JAK1: variants seen among roughly 807,000 people sequenced by gnomAD.
The protein encoded by JAK1 is tyrosine-protein kinase JAK1.
Under a neutral mutation model 136.6 loss-of-function variants are expected in JAK1, and 16 were observed. The observed-to-expected ratio is 0.12, with a 90% confidence interval of 0.08 to 0.18. The LOEUF is 0.18. Among genes scored for constraint, JAK1 ranks in the 10% least tolerant of loss-of-function variants. The pLI is 1.00. For missense variants in JAK1, 859 were observed against 1,450.1 expected (o/e 0.59, Z 6.62); for synonymous variants, 492 against 519.5 (o/e 0.95, Z 0.72).
At chr1:64,846,778 C>T in intron 13 of JAK1, 42 bp from the exon 14 acceptor site, 3 of 1,512,574 alleles carry the variant, frequency 2.0e-6, no homozygotes, top group Non-Finnish European at 2.7e-6. Flanking sequence ...GGCCAGCCTC[C>T]AGGGGGCTGC....
Position 64,850,855 on chromosome 1 carries a change from G to A in JAK1, c.1704C>T (p.Tyr568=), listed in dbSNP as rs950672471. Residue 568 remains tyrosine (Y), a synonymous_variant, in exon 12 of 25, where the codon TAC becomes TAT. Coordinates refer to ENST00000342505, the MANE Select transcript of JAK1 (RefSeq NM_002227.4). ...GATCGAAACTCAGCTGGCTCATGGGGTAGACGGGCTGCCACTCCTGGGCTT... is the reference window on the plus strand; with the variant it reads ...GATCGAAACTCAGCTGGCTCATGGGATAGACGGGCTGCCACTCCTGGGCTT... ...TKKAQEWQPV[Y]PMSQLSFDRI... is the part of the protein sequence containing the mutation. 16 of 1,614,060 alleles carry A rather than the reference G, an allele frequency of 9.9e-6. No homozygotes were observed. Among genetic ancestry groups the A allele is most frequent in the Non-Finnish European group, 1.4e-5 (16 of 1,180,028 alleles).
At chr1:64,930,051 A>C (rs965842379) in intron 1 of JAK1, among the ~76,000 whole-genome samples, 11 of 152,236 alleles carry the variant, frequency 7.2e-5, no homozygotes, top group African/African-American at 2.4e-4. Context: ...TTAAAGACTT[A>C]AACGTTAAGA....
Position 64,994,131 on chromosome 1 carries a change from G to C in JAK1, c.-78+50349C>G, listed in dbSNP as rs149197751. On this transcript the variant is annotated intron_variant, in intron 2 of 25. Transcript: ENST00000671954. ...AATTTTTGTATTTTTTGTAGAGACA[G>C]GTTTTGGCCATGTTGCCCAGGCTGG... 6.5e-3 allele frequency among the ~76,000 whole-genome samples: 997 copies of C among 152,274 alleles called. 9 individuals carry two copies. Among genetic ancestry groups the C allele is most frequent in the African/African-American group, 0.023 (948 of 41,550 alleles).
intron 1 of JAK1, among the ~76,000 whole-genome samples, chr1:65,048,829 T>C (rs965828617): frequency 6.6e-6 from 1 of 152,212 alleles, no homozygotes; most frequent in Non-Finnish European, 1.5e-5. Flanking sequence ...TTTAATATGT[T>C]TTCTGTTGAA....
intron 2 of JAK1, chr1:64,990,924 A>C (rs1646650300): frequency 6.9e-6 from 1 of 144,274 alleles, no homozygotes; most frequent in African/African-American, 2.6e-5. Flanking sequence ...CGTCTCAAAA[A>C]AAAAAAAAAA....
intron 2 of JAK1, among the ~76,000 whole-genome samples, chr1:65,041,996 T>A (rs1647138131): frequency 6.6e-6 from 1 of 151,868 alleles, no homozygotes; most frequent in Non-Finnish European, 1.5e-5. Flanking sequence ...TGAGCAGAGA[T>A]CTCACCACTG....
chr1:64,997,988 T>C (rs563329994), intron 2 of JAK1, among the ~76,000 whole-genome samples: 1 of 152,066 alleles, frequency 6.6e-6, no homozygotes, highest in Admixed American at 6.6e-5. Flanking sequence ...TACAAACTTT[T>C]CCAAACAGAT....
intron 17 of JAK1, among the ~76,000 whole-genome samples, chr1:64,843,590 G>A (rs1354637270): frequency 6.6e-6 from 1 of 152,144 alleles, no homozygotes; most frequent in Admixed American, 6.5e-5. Context: ...TCTTACCGTT[G>A]TTATTTTAGC....
intron 2 of JAK1, among the ~76,000 whole-genome samples, chr1:65,023,989 A>ATC (rs1041000353): frequency 2.8e-5 from 4 of 145,432 alleles, no homozygotes; most frequent in Non-Finnish European, 4.5e-5. Flanking sequence ...GTATGAATAT[A>ATC]TCACAATGTG....
At chr1:64,954,854 A>C (rs995174736) in intron 1 of JAK1, among the ~76,000 whole-genome samples, 1 of 152,376 alleles carries the variant, frequency 6.6e-6, no homozygotes, top group Middle Eastern at 3.4e-3. Context: ...TCTAGCAAGG[A>C]AACATAATGA....
Position 65,026,433 on chromosome 1 carries a change from C to T in JAK1, c.-78+18047G>A, listed in dbSNP as rs563343828. On this transcript the variant is annotated intron_variant, in intron 2 of 25. Transcript: ENST00000671954. ...TGTCCCTGGAGACCTCAGAATCCCA[C>T]GGTTTGGCTTCCAGCAGTGAAAATG... 9.2e-5 allele frequency among the ~76,000 whole-genome samples: 14 copies of T among 152,224 alleles called. 2 individuals carry two copies. Among genetic ancestry groups the T allele is most frequent in the Middle Eastern group, 6.8e-3 (2 of 292 alleles).
intron 1 of JAK1, among the ~76,000 whole-genome samples, chr1:65,054,435 A>G (rs1306439761): frequency 6.6e-6 from 1 of 152,068 alleles, no homozygotes; most frequent in Non-Finnish European, 1.5e-5. Context: ...TTTCCCTAAG[A>G]AGGGAAAGGT....
intron 1 of JAK1, among the ~76,000 whole-genome samples, chr1:65,067,208 G>A (rs1274314467): frequency 6.6e-6 from 1 of 150,998 alleles, no homozygotes; most frequent in African/African-American, 2.4e-5. Context: ...AACTGCGTGC[G>A]GTCCCCGGAG....
In JAK1 at chr1:64,862,200, C is replaced by T. The variant is rs149681509; in HGVS notation, c.1177-1938G>A. On this transcript the variant is annotated intron_variant, in intron 8 of 24. Coordinates refer to ENST00000342505, the MANE Select transcript of JAK1 (RefSeq NM_002227.4). ...CCCTCAGCTCAGGCTCTAGAGCCAG[C>T]TGCTCTGGGTTCAAATCGCAGCCTC... 2.0e-3 allele frequency among the ~76,000 whole-genome samples: 306 copies of T among 152,320 alleles called. 2 individuals carry two copies. The highest frequency in any genetic ancestry group is 3.5e-3 in the Non-Finnish European group (235 of 68,030).
intron 2 of JAK1, among the ~76,000 whole-genome samples, chr1:64,975,483 C>T (rs1250117086): frequency 6.6e-6 from 1 of 152,176 alleles, no homozygotes; most frequent in Non-Finnish European, 1.5e-5. Flanking sequence ...AGCAGCCTCT[C>T]CACAAATCCA....
At chr1:64,957,550 C>T (rs1044010783) in intron 1 of JAK1, among the ~76,000 whole-genome samples, 12 of 152,238 alleles carry the variant, frequency 7.9e-5, no homozygotes. Context: ...GTGGCTCATG[C>T]CTGTAATCCC....
At chr1:64,903,667 A>G (rs1288657726) in intron 1 of JAK1, among the ~76,000 whole-genome samples, 1 of 152,166 alleles carries the variant, frequency 6.6e-6, no homozygotes, top group Non-Finnish European at 1.5e-5. Flanking sequence ...ATCTACTAAA[A>G]TGGGAATAAT....
Position 64,860,122 on chromosome 1 carries a change from G to A in JAK1, c.1317C>T (p.Gly439=), listed in dbSNP as rs1656192433. 1.3e-6 allele frequency: 2 copies of A among 1,590,244 alleles called. No individual in the cohort carries two copies. Among genetic ancestry groups the A allele is most frequent in the Non-Finnish European group, 1.7e-6 (2 of 1,164,736 alleles). Residue 439 remains glycine (G), a synonymous_variant, in exon 9 of 25, where the codon GGC becomes GGT. Coordinates refer to ENST00000342505, the MANE Select transcript of JAK1 (RefSeq NM_002227.4). The part of the protein sequence containing the change: ...PPLIVHNIQN[G]CHGPICTEYA... ...GGACCAACCAGATTGGACCATGACA[G>A]CCATTCTGTATGTTGTGGACGATCA...
chr1:65,017,039 T>G (rs1319469567), intron 2 of JAK1, among the ~76,000 whole-genome samples: 1 of 152,232 alleles, frequency 6.6e-6, no homozygotes, highest in Non-Finnish European at 1.5e-5. Context: ...AATTTTGAAT[T>G]TATAAGTACC....
Sources: gnomAD v4.1 joint callset for allele counts (sites outside exome capture counted in the v4.1 genomes callset) on GRCh38, gnomAD v4.1.1 for gene constraint, MANE v1.5 for transcripts, NCBI Gene and HGNC (gene_info 2026-07-23, HGNC 2026-07-21) for gene names.